The following FGD4 variants were observed in gnomAD, a reference collection of about 807,000 sequenced individuals.
The protein encoded by FGD4 is FYVE, RhoGEF and PH domain containing 4, also known as FYVE, RhoGEF and PH domain-containing protein 4.
FGD4 carries 42 observed loss-of-function variants against 102.0 expected under a neutral mutation model. The observed-to-expected ratio is 0.41, with a 90% CI of 0.32 to 0.53. The LOEUF (loss-of-function observed/expected upper bound fraction) is 0.53. Ranked by LOEUF, FGD4 falls within the 20% of genes least tolerant of loss-of-function variation. The probability of loss-of-function intolerance (pLI) is 0.21; values close to 1 mark genes in which losing one functional copy is unlikely to be tolerated. For missense variants in FGD4, 902 were observed against 1,078.2 expected (o/e 0.84, Z 2.29); for synonymous variants, 380 against 375.7 (o/e 1.01, Z -0.13).
At chr12:32,575,772 T>C (rs1173679444) in intron 2 of FGD4, among the ~76,000 whole-genome samples, 1 of 152,254 alleles carries the variant, frequency 6.6e-6, no homozygotes, top group East Asian at 1.9e-4. Flanking sequence ...GCTATATTAA[T>C]GCAACATTGT....
At chr12:32,464,857 A>T (rs1405377024) in intron 1 of FGD4, among the ~76,000 whole-genome samples, 1 of 152,204 alleles carries the variant, frequency 6.6e-6, no homozygotes, top group Non-Finnish European at 1.5e-5. Context: ...TTAAACTAAG[A>T]GTTACTAGAA....
chr12:32,469,144 C>T (rs901051483), intron 1 of FGD4, among the ~76,000 whole-genome samples: 2 of 151,828 alleles, frequency 1.3e-5, no homozygotes, highest in African/African-American at 2.4e-5. Flanking sequence ...TGGTTTCTAT[C>T]GGATTTTTAA....
At chr12:32,549,559 G>A (rs1282516871) in intron 1 of FGD4, among the ~76,000 whole-genome samples, 2 of 152,212 alleles carry the variant, frequency 1.3e-5, no homozygotes, top group Non-Finnish European at 2.9e-5. Context: ...ATGGATCAGA[G>A]CCTGTGTATA....
intron 1 of FGD4, among the ~76,000 whole-genome samples, chr12:32,505,226 T>A (rs1938597588): frequency 6.6e-6 from 1 of 152,176 alleles, no homozygotes; most frequent in Non-Finnish European, 1.5e-5. Context: ...ATTGCCCTCT[T>A]GCTTTCTCCC....
chr12:32,439,781 C>T (rs1298586001), intron 1 of FGD4, among the ~76,000 whole-genome samples: 2 of 152,150 alleles, frequency 1.3e-5, no homozygotes, highest in Admixed American at 6.5e-5. Context: ...CTCTCTCTGC[C>T]TCCTCTTTAA....
chr12:32,629,503 CAT>C (rs1950370654), intron 14 of FGD4, among the ~76,000 whole-genome samples: 1 of 152,178 alleles, frequency 6.6e-6, no homozygotes. Context: ...GAAATGGACT[CAT>C]AGAAAAGTTA....
chr12:32,545,827 G>A (rs1362031064), intron 1 of FGD4, among the ~76,000 whole-genome samples: 3 of 152,336 alleles, frequency 2.0e-5, no homozygotes, highest in East Asian at 1.9e-4. Context: ...AACCCTTCCA[G>A]TAGGGGAAAC....
intron 1 of FGD4, among the ~76,000 whole-genome samples, chr12:32,475,301 C>T (rs1943556682): frequency 6.6e-6 from 1 of 152,142 alleles, no homozygotes; most frequent in African/African-American, 2.4e-5. Flanking sequence ...GTATATTTCT[C>T]TGAAATGCCT....
At chr12:32,553,234 G>T (rs1390358780) in intron 1 of FGD4, among the ~76,000 whole-genome samples, 1 of 152,106 alleles carries the variant, frequency 6.6e-6, no homozygotes, top group Non-Finnish European at 1.5e-5. Context: ...CTTATAACAG[G>T]CACTGTGGCC....
rs1338177124 is a variant in FGD4 at position 32,601,261 on chromosome 12, A to AT, written c.1102-15dup. On this transcript the variant is annotated splice_polypyrimidine_tract_variant and intron_variant, in intron 5 of 16. Transcript: ENST00000534526. The stretch of plus-strand genomic sequence containing the variant: ...CCAATAAATGTGAAGTAATGCTTAC[A>AT]TTATTCTTTTATTCAGGTATTTTAT... 1 of 1,612,132 alleles carries AT rather than the reference A, an allele frequency of 6.2e-7. No homozygotes were observed. Among genetic ancestry groups the AT allele is most frequent in the African/African-American group, 1.3e-5 (1 of 74,944 alleles).
At chr12:32,491,412 A>G (rs1479420425) in intron 1 of FGD4, among the ~76,000 whole-genome samples, 2 of 152,194 alleles carry the variant, frequency 1.3e-5, no homozygotes, top group African/African-American at 2.4e-5. Flanking sequence ...TCCTTTAATT[A>G]TCTGTGTGTG....
intron 2 of FGD4, among the ~76,000 whole-genome samples, chr12:32,567,427 A>G (rs1945279186): frequency 6.6e-6 from 1 of 152,074 alleles, no homozygotes; most frequent in Non-Finnish European, 1.5e-5. Context: ...CCCCGACAAT[A>G]GGACATTGGT....
chr12:32,608,265 G>C (rs899313248), intron 8 of FGD4, among the ~76,000 whole-genome samples, 170 bp downstream of exon 8: 2 of 152,164 alleles, frequency 1.3e-5, no homozygotes, highest in Non-Finnish European at 2.9e-5. Context: ...AGTCACTTTT[G>C]AGCCAAAATG....
intron 7 of FGD4, among the ~76,000 whole-genome samples, chr12:32,605,863 A>C (rs1948745515): frequency 6.6e-6 from 1 of 152,212 alleles, no homozygotes; most frequent in Admixed American, 6.5e-5. Flanking sequence ...CTTGTTGCAT[A>C]GTAAGTGCTC....
intron 10 of FGD4, among the ~76,000 whole-genome samples, chr12:32,615,035 A>C (rs1380532546): frequency 6.6e-6 from 1 of 152,246 alleles, no homozygotes; most frequent in Non-Finnish European, 1.5e-5. Flanking sequence ...TTTGTCCATA[A>C]CAGCATTATT....
intron 1 of FGD4, among the ~76,000 whole-genome samples, chr12:32,533,483 C>T (rs113795631): frequency 1.3e-5 from 2 of 152,188 alleles, no homozygotes; most frequent in African/African-American, 4.8e-5. Flanking sequence ...TGGAGTGCAG[C>T]GGCGCAATCT....
Position 32,425,134 on chromosome 12 carries a change from A to G in FGD4, c.166+25175A>G, listed in dbSNP as rs547830399. 1.6e-4 allele frequency among the ~76,000 whole-genome samples: 25 copies of G among 152,190 alleles called. No homozygotes were observed. The South Asian group carries it at 4.6e-3, about 28-fold the overall frequency. On this transcript the variant is annotated intron_variant, in intron 1 of 16. Transcript: ENST00000534526. ...CCATTGCTTTTGGTATTTTAGTCAT[A>G]AAGTCTTTGCCCATGCCTATGTCCT...
intron 1 of FGD4, among the ~76,000 whole-genome samples, chr12:32,548,360 G>C (rs921202140): frequency 6.6e-6 from 1 of 152,114 alleles, no homozygotes; most frequent in Non-Finnish European, 1.5e-5. Context: ...ATATCTTTTC[G>C]CTACTTAGAA....
chr12:32,457,861 G>C (rs1942986769), intron 1 of FGD4, among the ~76,000 whole-genome samples: 1 of 152,178 alleles, frequency 6.6e-6, no homozygotes, highest in South Asian at 2.1e-4. Context: ...CTGGTGCCTT[G>C]ATCTTCTAGC....
Sources: gnomAD v4.1 joint callset for allele counts (sites outside exome capture counted in the v4.1 genomes callset) on GRCh38, gnomAD v4.1.1 for gene constraint, MANE v1.5 for transcripts, NCBI Gene and HGNC (gene_info 2026-07-23, HGNC 2026-07-21) for gene names.